Variants in KIF15 observed in about 807,000 individuals in gnomAD.
KIF15 encodes the protein kinesin-like protein KIF15.
In KIF15, 140 loss-of-function variants were observed where a neutral mutation model predicts 190.6. That is an observed-to-expected ratio of 0.73 (90% CI 0.64 to 0.84). The LOEUF (loss-of-function observed/expected upper bound fraction) is 0.84, where lower values mean the gene tolerates loss of function less well. KIF15 is among the 40% of genes least tolerant of loss of function. KIF15 has a pLI of 0.00. For synonymous variants in KIF15, 528 were observed against 551.3 expected, an observed-to-expected ratio of 0.96 and a Z score of 0.59; for missense variants, 1,372 against 1,584.4, an observed-to-expected ratio of 0.87 and a Z score of 2.28.
intron 17 of KIF15, 97 bp downstream of exon 17, chr3:44,811,140 T>C (rs1707765934): frequency 1.1e-6 from 1 of 888,648 alleles, no homozygotes. Flanking sequence ...TGTTCAAAAG[T>C]GCTTAGTATT....
chr3:44,794,388 AGGC>A lies in KIF15; in HGVS notation c.812_814del (p.Arg271_Gln272delinsLys). Reference sequence around the variant, plus strand: ...CCTGGTGGATTTAGCAGGATCTGAAAGGCAAAAAGATACCCATGCAGAAGGGAT... The same window carrying A: ...CCTGGTGGATTTAGCAGGATCTGAAAAAAAAGATACCCATGCAGAAGGGAT... On this transcript the variant is annotated inframe_deletion, in exon 8 of 35. Transcript: ENST00000326047. 6.2e-7 allele frequency: 1 copy of A among 1,611,244 alleles called. No individual in the cohort carries two copies. The highest frequency in any genetic ancestry group is 1.7e-5 in the Admixed American group (1 of 59,680).
Position 44,786,506 on chromosome 3 carries a change from A to T in KIF15, c.571A>T (p.Ile191Phe). 1.2e-6 allele frequency: 2 copies of T among 1,613,702 alleles called. No individual in the cohort carries two copies. The highest frequency in any genetic ancestry group is 1.7e-6 in the Non-Finnish European group (2 of 1,179,714). Residue 191 changes from isoleucine to phenylalanine, a missense_variant, in exon 7 of 35, where the codon ATC becomes TTC. Physicochemically the swap from Ile to Phe is conservative, Grantham distance 21 (BLOSUM62 0). Coordinates refer to ENST00000326047, the MANE Select transcript of KIF15 (RefSeq NM_020242.3). ...ASAGLYLREHIKKGVFVVGAV... is the reference protein window; with the variant it reads ...ASAGLYLREHFKKGVFVVGAV... Reference sequence around the variant, plus strand: ...GGCTGGACTGTACTTAAGGGAGCATATCAAGAAGGGAGTCTTTGTTGTTGG... The same window carrying T: ...GGCTGGACTGTACTTAAGGGAGCATTTCAAGAAGGGAGTCTTTGTTGTTGG...
downstream of KIF15, among the ~76,000 whole-genome samples, chr3:44,855,703 T>G (rs181921919): frequency 2.3e-4 from 35 of 151,982 alleles, no homozygotes; most frequent in African/African-American, 8.0e-4. Flanking sequence ...AGAAGGAGGA[T>G]TTGTCGTATA....
chr3:44,816,672 C>T (rs1360288457), intron 20 of KIF15, among the ~76,000 whole-genome samples: 1 of 152,174 alleles, frequency 6.6e-6, no homozygotes, highest in Non-Finnish European at 1.5e-5. Flanking sequence ...CAAGTCTTTG[C>T]TATTGTGAAT....
In KIF15 at chr3:44,840,352, C is replaced by T. The variant is rs1698528811; in HGVS notation, c.3319-3C>T. On this transcript the variant is annotated splice_region_variant and splice_polypyrimidine_tract_variant and intron_variant, in intron 27 of 34. Coordinates refer to ENST00000326047, the MANE Select transcript of KIF15 (RefSeq NM_020242.3). ...TAACCTTGTATCTGTTCAATTTTCC[C>T]AGCTAAACCAAAAGAAAGAGGAAGT... 2 of 1,584,276 alleles carry T rather than the reference C, an allele frequency of 1.3e-6. No individual in the cohort carries two copies. The highest frequency in any genetic ancestry group is 1.4e-5 in the African/African-American group (1 of 73,656).
At chr3:44,782,088 C>T (rs535213516) in intron 5 of KIF15, among the ~76,000 whole-genome samples, 3 of 151,976 alleles carry the variant, frequency 2.0e-5, no homozygotes, top group Non-Finnish European at 2.9e-5. Context: ...CTGCCCCTGT[C>T]GCCTAGGCTA....
At chr3:44,861,806 A>C in intron 6 of KIF15, 1 of 1,199,126 alleles carries the variant, frequency 8.3e-7, no homozygotes, top group Non-Finnish European at 1.2e-6. Context: ...AGCGATTCCC[A>C]AGGGGCCTGC....
chr3:44,770,460 G>C (rs1705594499), intron 1 of KIF15, among the ~76,000 whole-genome samples: 1 of 152,090 alleles, frequency 6.6e-6, no homozygotes, highest in African/African-American at 2.4e-5. Context: ...AAGAGCATAG[G>C]GTTCCTGGGC....
intron 30 of KIF15, among the ~76,000 whole-genome samples, chr3:44,845,619 T>A (rs1698813768): frequency 6.6e-6 from 1 of 152,128 alleles, no homozygotes; most frequent in African/African-American, 2.4e-5. Flanking sequence ...AAGTTGCCAG[T>A]ACCAGAATGG....
chr3:44,852,366 A>G, intron 34 of KIF15, 27 bp downstream of exon 34: 8 of 1,583,468 alleles, frequency 5.1e-6, no homozygotes, highest in Non-Finnish European at 6.9e-6. Flanking sequence ...TTCTGAATAA[A>G]TTCTGTCTGG....
At chr3:44,782,755 C>G (rs544730439) in intron 5 of KIF15, among the ~76,000 whole-genome samples, 1 of 152,058 alleles carries the variant, frequency 6.6e-6, no homozygotes, top group African/African-American at 2.4e-5. Flanking sequence ...TGAGACTGTC[C>G]AAGAGAATAA....
intron 27 of KIF15, 137 bp from the exon 28 acceptor site, chr3:44,840,218 C>A: frequency 1.9e-6 from 1 of 538,822 alleles, no homozygotes; most frequent in Non-Finnish European, 3.3e-6. Context: ...CCATCCCTAT[C>A]AGGTGCGAAG....
At chr3:44,823,351 C>T (rs1445429503) in intron 20 of KIF15, among the ~76,000 whole-genome samples, 1 of 152,174 alleles carries the variant, frequency 6.6e-6, no homozygotes, top group Non-Finnish European at 1.5e-5. Context: ...TGCAGAACAG[C>T]AAATATTGCT....
chr3:44,827,137 A>G (rs1033591915), intron 22 of KIF15: 1 of 425,284 alleles, frequency 2.4e-6, no homozygotes, highest in African/African-American at 2.0e-5. Flanking sequence ...TAGAGTTGAA[A>G]CAGTGAACAA....
At chr3:44,847,838 A>G in intron 30 of KIF15, 147 bp from the exon 31 acceptor site, 1 of 580,778 alleles carries the variant, frequency 1.7e-6, no homozygotes, top group South Asian at 2.5e-5. Flanking sequence ...TATCAACTGT[A>G]CTGACTTGAC....
At position 44,852,230 on chromosome 3, in the gene KIF15, A is replaced by C. The variant is rs776499228; in HGVS notation, c.3995A>C (p.Gln1332Pro). Reference sequence around the variant, plus strand: ...CAGGAGATGGAAATGTTAAGGAAGCAGGTGGAGTGTCTTGCTGAGGAAAAT... The same window carrying C: ...CAGGAGATGGAAATGTTAAGGAAGCCGGTGGAGTGTCTTGCTGAGGAAAAT... ...TSQEMEMLRK[Q>P]VECLAEENGK... The change falls in exon 34 of 35, where the codon CAG (glutamine) becomes CCG (proline). Residue 1332 changes from glutamine (Q) to proline (P), a missense_variant. Gln to Pro is a moderately conservative substitution (Grantham distance 76). Transcript: ENST00000326047. 1.3e-5 allele frequency: 21 copies of C among 1,612,926 alleles called. No homozygotes were observed. The highest frequency in any genetic ancestry group is 1.8e-5 in the Non-Finnish European group (21 of 1,179,354).
At chr3:44,809,580 C>G (rs1249338669) in intron 16 of KIF15, among the ~76,000 whole-genome samples, 3 of 151,836 alleles carry the variant, frequency 2.0e-5, no homozygotes, top group Non-Finnish European at 4.4e-5. Flanking sequence ...CATAGTGGCT[C>G]ACACCTGTAA....
intron 33 of KIF15, 33 bp from the exon 34 acceptor site, chr3:44,852,175 T>C (rs1699084299): frequency 1.3e-6 from 2 of 1,587,324 alleles, no homozygotes; most frequent in Non-Finnish European, 1.7e-6. Flanking sequence ...GACCTACTTC[T>C]CATTTTTCCC....
chr3:44,857,948 G>A (rs1373411201), downstream of KIF15, among the ~76,000 whole-genome samples: 2 of 152,166 alleles, frequency 1.3e-5, no homozygotes, highest in Non-Finnish European at 2.9e-5. Context: ...CAAAGTAGAA[G>A]GTCATCAATA....
Sources: gnomAD v4.1 joint callset for allele counts (sites outside exome capture counted in the v4.1 genomes callset) on GRCh38, gnomAD v4.1.1 for gene constraint, MANE v1.5 for transcripts, NCBI Gene and HGNC (gene_info 2026-07-23, HGNC 2026-07-21) for gene names.